EPHA5: variants seen among roughly 807,000 people sequenced by gnomAD.
The protein encoded by EPHA5 is ephrin type-A receptor 5.
In EPHA5, 60 loss-of-function variants were observed where a neutral mutation model predicts 105.0. That is an observed-to-expected ratio of 0.57 (90% CI 0.46 to 0.71). EPHA5 has a LOEUF of 0.71. Ranked by LOEUF, EPHA5 falls within the 30% of genes least tolerant of loss-of-function variation. The pLI is 0.00. For missense variants in EPHA5, 1,218 were observed against 1,274.7 expected, an observed-to-expected ratio of 0.96 and a Z score of 0.68; for synonymous variants, 513 against 449.1, an observed-to-expected ratio of 1.14 and a Z score of -1.80.
chr4:65,559,926 T>C (rs1347424620), intron 3 of EPHA5, among the ~76,000 whole-genome samples: 1 of 152,184 alleles, frequency 6.6e-6, no homozygotes, highest in Non-Finnish European at 1.5e-5. Context: ...CAATTTCTTA[T>C]GTATATTTAC....
At chr4:65,432,568 G>T (rs1002730573) in intron 5 of EPHA5, among the ~76,000 whole-genome samples, 4 of 151,114 alleles carry the variant, frequency 2.6e-5, no homozygotes, top group Non-Finnish European at 4.4e-5. Flanking sequence ...CATGTTTTTG[G>T]TTTTGTTTTT....
At chr4:65,561,237 G>T (rs564697265) in intron 3 of EPHA5, among the ~76,000 whole-genome samples, 1 of 151,886 alleles carries the variant, frequency 6.6e-6, no homozygotes, top group Non-Finnish European at 1.5e-5. Context: ...AATGAGCTTT[G>T]TAAGATATTA....
intron 7 of EPHA5, among the ~76,000 whole-genome samples, chr4:65,407,527 T>C (rs1278292132): frequency 1.3e-5 from 2 of 152,060 alleles, no homozygotes; most frequent in Non-Finnish European, 2.9e-5. Context: ...AGACATTTTA[T>C]GAACATATTT....
At chr4:65,557,008 C>A (rs914595309) in intron 3 of EPHA5, among the ~76,000 whole-genome samples, 1 of 151,542 alleles carries the variant, frequency 6.6e-6, no homozygotes, top group Admixed American at 6.6e-5. Flanking sequence ...GTCCTTTATT[C>A]GGACAATTAC....
rs370839573 is a variant in EPHA5 at position 65,333,662 on chromosome 4, G to T, written c.2790-1534C>A. On this transcript the variant is annotated intron_variant, in intron 15 of 16. Coordinates refer to ENST00000613740, the MANE Select transcript of EPHA5 (RefSeq NM_001281766.3). Reference sequence around the variant, plus strand: ...GACTTTAAAACTCTAAGGGAGCCAGGACTTGGCCCTATATTTTTCTATTTA... The same window carrying T: ...GACTTTAAAACTCTAAGGGAGCCAGTACTTGGCCCTATATTTTTCTATTTA... Among the ~76,000 whole-genome samples, 4 of 141,156 alleles carry T rather than the reference G, an allele frequency of 2.8e-5. No individual in the cohort carries two copies. The East Asian group carries it at 8.9e-4, about 31-fold the overall frequency. 92.6% of individuals were successfully genotyped at this position (141,156 alleles called of 152,430 possible). A position where few individuals can be genotyped will look rare whatever the true frequency, so the allele number is the denominator to read the frequency against.
intron 1 of EPHA5, among the ~76,000 whole-genome samples, chr4:65,658,624 T>A (rs1030471680): frequency 1.3e-5 from 2 of 152,082 alleles, no homozygotes; most frequent in Non-Finnish European, 2.9e-5. Context: ...TTAATAATAA[T>A]TCAATCTTTT....
At chr4:65,377,259 G>A (rs912249746) in intron 8 of EPHA5, among the ~76,000 whole-genome samples, 3 of 151,990 alleles carry the variant, frequency 2.0e-5, no homozygotes, top group Non-Finnish European at 4.4e-5. Context: ...ATATAGAGTT[G>A]TAGTAAATTG....
intron 8 of EPHA5, among the ~76,000 whole-genome samples, chr4:65,389,731 G>A (rs909857896): frequency 1.1e-4 from 16 of 152,006 alleles, no homozygotes; most frequent in Admixed American, 1.1e-3. Context: ...CAACATCAGA[G>A]GCATTGAGAA....
chr4:65,474,110 T>C (rs1729561575), intron 5 of EPHA5, among the ~76,000 whole-genome samples: 2 of 151,990 alleles, frequency 1.3e-5, no homozygotes, highest in South Asian at 2.1e-4. Flanking sequence ...ACATGGCACA[T>C]GTATACATAT....
At chr4:65,371,043 T>A (rs1044057270) in intron 8 of EPHA5, among the ~76,000 whole-genome samples, 1 of 152,162 alleles carries the variant, frequency 6.6e-6, no homozygotes, top group African/African-American at 2.4e-5. Flanking sequence ...AATAAATATG[T>A]CATTCTGTAT....
At chr4:65,431,160 A>G (rs1369752664) in intron 5 of EPHA5, among the ~76,000 whole-genome samples, 1 of 152,132 alleles carries the variant, frequency 6.6e-6, no homozygotes, top group African/African-American at 2.4e-5. Flanking sequence ...TACACACAAA[A>G]TGACTGCTCT....
At chr4:65,570,617 C>T (rs922020701) in intron 3 of EPHA5, among the ~76,000 whole-genome samples, 3 of 151,594 alleles carry the variant, frequency 2.0e-5, no homozygotes, top group African/African-American at 4.8e-5. Flanking sequence ...CATGATTATA[C>T]GATGAAGAGC....
At position 65,506,365 on chromosome 4, in the gene EPHA5, A is replaced by C. The variant is rs1224435845; in HGVS notation, c.911-10822T>G. On this transcript the variant is annotated intron_variant, in intron 3 of 16. Coordinates refer to ENST00000613740, the MANE Select transcript of EPHA5 (RefSeq NM_001281766.3). ...TTTATAATCCTTTGGGTATATACCC[A>C]GTAATGGGATGGCTGGGTCAAATGG... 2.0e-5 allele frequency among the ~76,000 whole-genome samples: 3 copies of C among 147,236 alleles called. 1 individual carries two copies. The highest frequency in any genetic ancestry group is 5.0e-5 in the African/African-American group (2 of 39,902).
chr4:65,483,533 C>T (rs372248174), intron 5 of EPHA5, among the ~76,000 whole-genome samples: 5 of 151,988 alleles, frequency 3.3e-5, no homozygotes, highest in Admixed American at 2.0e-4. Flanking sequence ...TTGTTAAATA[C>T]GTTAGGGAGG....
At chr4:65,342,162 TTTG>T (rs34295301) in intron 14 of EPHA5, among the ~76,000 whole-genome samples, 103,885 of 151,106 alleles carry the variant, frequency 0.69, 35,963 homozygotes, top group East Asian at 0.77. Context: ...AGATTTTTGT[TTTG>T]TTGTTGTTGT....
chr4:65,380,461 G>GTGAT (rs1377392552), intron 8 of EPHA5, among the ~76,000 whole-genome samples: 1 of 151,640 alleles, frequency 6.6e-6, no homozygotes, highest in Non-Finnish European at 1.5e-5. Context: ...TGGAAGCAAG[G>GTGAT]TGATTATTCA....
At chr4:65,475,684 T>C (rs913307485) in intron 5 of EPHA5, among the ~76,000 whole-genome samples, 4 of 152,186 alleles carry the variant, frequency 2.6e-5, no homozygotes, top group Non-Finnish European at 4.4e-5. Flanking sequence ...AGAAGAATGA[T>C]TGAACAGTTC....
chr4:65,446,975 A>ATTTTTT (rs397993760), intron 5 of EPHA5, among the ~76,000 whole-genome samples: 34 of 112,910 alleles, frequency 3.0e-4, no homozygotes, highest in South Asian at 5.7e-4. Context: ...TTAAAAGCTC[A>ATTTTTT]TTTTTTTTTT....
At chr4:65,647,573 C>G (rs1350269556) in intron 1 of EPHA5, among the ~76,000 whole-genome samples, 1 of 151,944 alleles carries the variant, frequency 6.6e-6, no homozygotes, top group Non-Finnish European at 1.5e-5. Flanking sequence ...TTAATTAAAA[C>G]TTGTCTGGGA....
Sources: gnomAD v4.1 joint callset for allele counts (sites outside exome capture counted in the v4.1 genomes callset) on GRCh38, gnomAD v4.1.1 for gene constraint, MANE v1.5 for transcripts, NCBI Gene and HGNC (gene_info 2026-07-23, HGNC 2026-07-21) for gene names.